FSIP1: variants seen among roughly 807,000 people sequenced by gnomAD.
FSIP1 encodes fibrous sheath-interacting protein 1.
In FSIP1, 65 loss-of-function variants were observed where a neutral mutation model predicts 60.9. That is an observed-to-expected ratio of 1.07 (90% confidence interval 0.87 to 1.31). The LOEUF is 1.31. Among genes scored for constraint, FSIP1 ranks in the 40% most tolerant of loss-of-function variants. The pLI is 0.00. For synonymous variants in FSIP1, 209 were observed against 221.2 expected (o/e 0.94, Z 0.49); for missense variants, 675 against 665.5 (o/e 1.01, Z -0.16).
intron 10 of FSIP1, among the ~76,000 whole-genome samples, chr15:39,710,123 C>T (rs111584573): frequency 1.4e-4 from 21 of 152,210 alleles, no homozygotes; most frequent in African/African-American, 5.1e-4. Context: ...TCACGTGGTA[C>T]ACAACATGAA....
chr15:39,726,437 G>A (rs1896196908), intron 9 of FSIP1, 152 bp downstream of exon 9: 1 of 686,516 alleles, frequency 1.5e-6, no homozygotes. Context: ...TGAAAGAAAA[G>A]TGAGTAGAAA....
chr15:39,700,844 T>TGAGTTCCCATTTAAAATGG (rs1895027645), intron 10 of FSIP1, among the ~76,000 whole-genome samples: 1 of 152,238 alleles, frequency 6.6e-6, no homozygotes, highest in South Asian at 2.1e-4. Flanking sequence ...CCATTCCAGG[T>TGAGTTCCCATTTAAAATGG]GAGTTCCCAT....
At chr15:39,618,636 C>T (rs1201939125) in intron 10 of FSIP1, among the ~76,000 whole-genome samples, 1 of 152,210 alleles carries the variant, frequency 6.6e-6, no homozygotes, top group African/African-American at 2.4e-5. Context: ...TGCAATGTGT[C>T]GTTGCTGCAA....
intron 10 of FSIP1, among the ~76,000 whole-genome samples, chr15:39,650,107 C>T (rs776658904): frequency 6.6e-6 from 1 of 152,232 alleles, no homozygotes; most frequent in Non-Finnish European, 1.5e-5. Context: ...TACTTTCAGA[C>T]ATTCTGTTTC....
chr15:39,634,145 C>G (rs1248274764), intron 10 of FSIP1, among the ~76,000 whole-genome samples: 5 of 152,184 alleles, frequency 3.3e-5, no homozygotes, highest in Non-Finnish European at 7.3e-5. Context: ...TCCCCACTCT[C>G]TTTTGCGTCA....
chr15:39,688,090 T>C (rs1380380695), intron 10 of FSIP1, among the ~76,000 whole-genome samples: 2 of 152,172 alleles, frequency 1.3e-5, no homozygotes, highest in Admixed American at 6.5e-5. Context: ...TCTCTCTGAA[T>C]ACAAAGTAGA....
At chr15:39,647,559 T>G (rs1186064689) in intron 10 of FSIP1, among the ~76,000 whole-genome samples, 2 of 118,730 alleles carry the variant, frequency 1.7e-5, no homozygotes, top group Non-Finnish European at 3.3e-5. Flanking sequence ...AGAAGAGACT[T>G]GTGCTACCCT....
At chr15:39,668,925 G>T (rs963520993) in intron 10 of FSIP1, among the ~76,000 whole-genome samples, 5 of 152,170 alleles carry the variant, frequency 3.3e-5, no homozygotes, top group Non-Finnish European at 7.4e-5. Context: ...TTAACCATAA[G>T]ATCTTAAGCA....
At position 39,765,681 on chromosome 15, in the gene FSIP1, C is replaced by T. The variant is rs1897660223; in HGVS notation, c.376G>A (p.Asp126Asn). ...CGTTGTTTCTTTGCCAATATTTTAT[C>T]AAGTTTTTTCATCTTCTGAATAGCA... The part of the protein sequence containing the change: ...QDAIQKMKKL[D>N]KILAKKQRRE... Residue 126 changes from aspartate (D) to asparagine (N), a missense_variant, in exon 4 of 12, where the codon GAT becomes AAT. Physicochemically the swap from Asp to Asn is conservative, Grantham distance 23. Coordinates refer to ENST00000350221, the MANE Select transcript of FSIP1 (RefSeq NM_152597.5). 1 of 1,585,176 alleles carries T rather than the reference C, an allele frequency of 6.3e-7. No individual in the cohort carries two copies. The highest frequency in any genetic ancestry group is 2.2e-5 in the East Asian group (1 of 44,480).
chr15:39,665,068 C>T (rs927532186), intron 10 of FSIP1, among the ~76,000 whole-genome samples: 1 of 152,164 alleles, frequency 6.6e-6, no homozygotes, highest in African/African-American at 2.4e-5. Context: ...ATTAAGCCTT[C>T]CCCTTCTCCC....
intron 10 of FSIP1, among the ~76,000 whole-genome samples, chr15:39,631,928 A>G (rs11855487): frequency 0.18 from 27,554 of 152,044 alleles, 3,038 homozygotes; most frequent in East Asian, 0.32. Flanking sequence ...TCATGTGAAC[A>G]TTTTCTAATC....
At chr15:39,677,304 A>G (rs1264943302) in intron 10 of FSIP1, among the ~76,000 whole-genome samples, 3 of 152,182 alleles carry the variant, frequency 2.0e-5, no homozygotes, top group African/African-American at 4.8e-5. Flanking sequence ...TGTATTGACA[A>G]TGTTGGTGAC....
chr15:39,653,700 G>C (rs1202821258), intron 10 of FSIP1, among the ~76,000 whole-genome samples: 1 of 152,098 alleles, frequency 6.6e-6, no homozygotes, highest in Non-Finnish European at 1.5e-5. Context: ...CAAGAGATCT[G>C]ATAGCTTTAA....
At chr15:39,751,769 T>A (rs1354658585) in intron 5 of FSIP1, among the ~76,000 whole-genome samples, 2 of 151,992 alleles carry the variant, frequency 1.3e-5, no homozygotes, top group African/African-American at 4.8e-5. Context: ...TTGATAATAG[T>A]GTATTACATT....
chr15:39,740,813 T>G (rs1046234980), intron 6 of FSIP1, among the ~76,000 whole-genome samples: 2 of 152,058 alleles, frequency 1.3e-5, no homozygotes, highest in Non-Finnish European at 2.9e-5. Flanking sequence ...AAGAGTAAGA[T>G]CTCTTGATTA....
chr15:39,693,926 T>C (rs964163092), intron 10 of FSIP1, among the ~76,000 whole-genome samples: 1 of 152,118 alleles, frequency 6.6e-6, no homozygotes, highest in African/African-American at 2.4e-5. Flanking sequence ...AGAATAGATT[T>C]TAAATATTCT....
intron 10 of FSIP1, among the ~76,000 whole-genome samples, chr15:39,683,634 G>T (rs1894250735): frequency 6.6e-6 from 1 of 152,164 alleles, no homozygotes; most frequent in African/African-American, 2.4e-5. Flanking sequence ...AAATTAAGTT[G>T]TTCCTATTCA....
At chr15:39,704,278 G>A (rs900365367) in intron 10 of FSIP1, among the ~76,000 whole-genome samples, 2 of 152,194 alleles carry the variant, frequency 1.3e-5, no homozygotes, top group Non-Finnish European at 2.9e-5. Context: ...AATTTCTGCA[G>A]TTCTAAACAA....
chr15:39,779,068 G>A (rs996230801), intron 1 of FSIP1, among the ~76,000 whole-genome samples: 1 of 152,026 alleles, frequency 6.6e-6, no homozygotes, highest in Non-Finnish European at 1.5e-5. Context: ...AAATTAAAAG[G>A]AACCTGAGAA....
Sources: allele counts gnomAD v4.1 joint callset (sites outside exome capture counted in the v4.1 genomes callset), GRCh38; gene constraint gnomAD v4.1.1; transcripts MANE v1.5; gene names NCBI Gene and HGNC (gene_info 2026-07-23, HGNC 2026-07-21).